The following GRM5 variants were observed in gnomAD, a reference collection of about 807,000 sequenced individuals.
GRM5 encodes the protein glutamate metabotropic receptor 5.
A neutral mutation model predicts 83.1 loss-of-function variants in GRM5; 19 were observed. The ratio of observed to expected loss-of-function variants is 0.23; its 90% CI spans 0.16 to 0.34. GRM5 has a LOEUF of 0.34. Among genes scored for constraint, GRM5 ranks in the 10% least tolerant of loss-of-function variants. The probability of loss-of-function intolerance (pLI) is 1.00; values close to 1 mark genes in which losing one functional copy is unlikely to be tolerated. For missense variants in GRM5, 1,160 were observed against 1,588.3 expected (o/e 0.73, Z 4.58); for synonymous variants, 675 against 633.6 (o/e 1.07, Z -0.98).
At chr11:88,734,998 C>G (rs371865281) in intron 3 of GRM5, among the ~76,000 whole-genome samples, 4 of 152,100 alleles carry the variant, frequency 2.6e-5, no homozygotes, top group African/African-American at 9.6e-5. Flanking sequence ...CTCTAATCTA[C>G]TCATAAACTA....
chr11:88,586,655 T>C (rs1401288159), intron 7 of GRM5, among the ~76,000 whole-genome samples: 1 of 152,228 alleles, frequency 6.6e-6, no homozygotes. Context: ...TTCCGAGTGA[T>C]GTGTTACTTT....
chr11:88,882,379 A>G (rs681820), intron 2 of GRM5, among the ~76,000 whole-genome samples: 107,848 of 148,488 alleles, frequency 0.73, 39,684 homozygotes, highest in East Asian at 0.99. Context: ...GTGAAACCCC[A>G]TCTCTACTAA....
intron 2 of GRM5, among the ~76,000 whole-genome samples, chr11:89,046,676 C>T (rs1267775657): frequency 6.6e-6 from 1 of 152,084 alleles, no homozygotes; most frequent in African/African-American, 2.4e-5. Context: ...TTATTCTTAT[C>T]TCCATTTTGG....
Position 88,757,199 on chromosome 11 carries a change from A to C in GRM5, c.911+92707T>G, listed in dbSNP as rs1358045086. Among the ~76,000 whole-genome samples the C allele has an allele frequency of 3.3e-5, 5 of 152,156 alleles. No homozygotes were observed. The East Asian group carries it at 7.7e-4, about 23-fold the overall frequency. ...AAATGAGAATTCCATATCTGGCAAA[A>C]ATGTCCTTTGAAAGTTCGGGAGATA... On this transcript the variant is annotated intron_variant, in intron 3 of 9. Coordinates refer to ENST00000305447, the MANE Select transcript of GRM5 (RefSeq NM_001143831.3).
chr11:88,984,854 T>G lies in GRM5; in HGVS notation c.661+62358A>C, dbSNP rs576666136. 4 of 717,338 alleles carry G rather than the reference T, an allele frequency of 5.6e-6. No individual in the cohort carries two copies. In the South Asian group the frequency reaches 6.2e-5, roughly 11 times the overall value. The allele number at this position is 717,338 out of a possible 1,614,324, so 44.4% of individuals were successfully genotyped here. ...TAAAGAATCATTCCATCTAATTTCT[T>G]CAAATCTCAAGAACACACACCTGGC... is the stretch of plus-strand genomic sequence containing the variant. On this transcript the variant is annotated intron_variant, in intron 2 of 9. Coordinates refer to ENST00000305447, the MANE Select transcript of GRM5 (RefSeq NM_001143831.3).
At chr11:89,003,202 T>C (rs1940437671) in intron 2 of GRM5, among the ~76,000 whole-genome samples, 1 of 152,154 alleles carries the variant, frequency 6.6e-6, no homozygotes, top group South Asian at 2.1e-4. Context: ...CAACCCTTGC[T>C]CTCACAGGTC....
At chr11:89,040,672 GC>G (rs1394278201) in intron 2 of GRM5, among the ~76,000 whole-genome samples, 1 of 152,100 alleles carries the variant, frequency 6.6e-6, no homozygotes, top group African/African-American at 2.4e-5. Context: ...CTCTTCTTCA[GC>G]CTGGGCAATA....
At chr11:88,539,219 TG>T (rs1276255814) in intron 8 of GRM5, among the ~76,000 whole-genome samples, 1 of 152,236 alleles carries the variant, frequency 6.6e-6, no homozygotes, top group African/African-American at 2.4e-5. Flanking sequence ...CACTCACAGA[TG>T]CCCCTGGCAA....
chr11:88,635,030 C>T (rs911951845), intron 4 of GRM5, among the ~76,000 whole-genome samples: 7 of 151,988 alleles, frequency 4.6e-5, no homozygotes, highest in African/African-American at 1.7e-4. Flanking sequence ...AGGAAGGGCA[C>T]GTGGATATAA....
At chr11:89,043,688 A>AT (rs1425375472) in intron 2 of GRM5, among the ~76,000 whole-genome samples, 3 of 151,962 alleles carry the variant, frequency 2.0e-5, no homozygotes, top group African/African-American at 7.3e-5. Flanking sequence ...TCCTGAAGGC[A>AT]TTTTTTATTG....
intron 3 of GRM5, among the ~76,000 whole-genome samples, chr11:88,758,584 G>A (rs1440976825): frequency 1.3e-5 from 2 of 152,148 alleles, no homozygotes; most frequent in African/African-American, 4.8e-5. Flanking sequence ...AGAAAAATAT[G>A]AGATTATGTA....
At chr11:88,939,656 C>G (rs1938020329) in intron 2 of GRM5, among the ~76,000 whole-genome samples, 1 of 151,580 alleles carries the variant, frequency 6.6e-6, no homozygotes, top group East Asian at 1.9e-4. Context: ...AATAATAATT[C>G]CAATATGATT....
intron 8 of GRM5, among the ~76,000 whole-genome samples, chr11:88,552,407 T>C (rs1942529485): frequency 6.6e-6 from 1 of 152,164 alleles, no homozygotes; most frequent in Non-Finnish European, 1.5e-5. Context: ...GAAATTTGTA[T>C]TAGGAATCTT....
intron 2 of GRM5, among the ~76,000 whole-genome samples, chr11:88,971,624 A>T (rs1269932096): frequency 6.6e-6 from 1 of 152,096 alleles, no homozygotes; most frequent in Non-Finnish European, 1.5e-5. Context: ...TTTATATTTT[A>T]TGGTTGCATA....
intron 2 of GRM5, among the ~76,000 whole-genome samples, chr11:88,980,501 T>G (rs981342691): frequency 1.4e-4 from 21 of 152,162 alleles, no homozygotes; most frequent in African/African-American, 5.1e-4. Context: ...GTGTTCTTAT[T>G]TTTTCTAGTA....
intron 2 of GRM5, among the ~76,000 whole-genome samples, chr11:88,907,163 G>T (rs1945417728): frequency 1.3e-5 from 2 of 152,050 alleles, no homozygotes. Context: ...AATGAGGATG[G>T]TTATGAAAAA....
chr11:88,638,728 G>T (rs1939209190), intron 4 of GRM5, among the ~76,000 whole-genome samples: 1 of 151,940 alleles, frequency 6.6e-6, no homozygotes, highest in African/African-American at 2.4e-5. Context: ...TAATTTCAAT[G>T]AATTTTTTTC....
At chr11:89,009,346 T>C (rs1358974317) in intron 2 of GRM5, among the ~76,000 whole-genome samples, 1 of 152,138 alleles carries the variant, frequency 6.6e-6, no homozygotes, top group Non-Finnish European at 1.5e-5. Flanking sequence ...AAAAAAGGAA[T>C]TGAAAATTAG....
intron 2 of GRM5, among the ~76,000 whole-genome samples, chr11:89,033,584 G>C (rs1320927304): frequency 6.6e-6 from 1 of 151,800 alleles, no homozygotes; most frequent in African/African-American, 2.4e-5. Context: ...AATGGCTCAA[G>C]TGTTATACTC....
Sources: allele counts gnomAD v4.1 joint callset (sites outside exome capture counted in the v4.1 genomes callset), GRCh38; gene constraint gnomAD v4.1.1; transcripts MANE v1.5; gene names NCBI Gene and HGNC (gene_info 2026-07-23, HGNC 2026-07-21).